The following KCNMB4 variants were observed in gnomAD, a reference collection of about 807,000 sequenced individuals.
KCNMB4 encodes calcium-activated potassium channel subunit beta-4.
A neutral mutation model predicts 20.7 loss-of-function variants in KCNMB4; 3 were observed. The observed-to-expected ratio is 0.14, with a 90% CI of 0.07 to 0.37. The LOEUF (loss-of-function observed/expected upper bound fraction) is 0.37, where lower values mean the gene tolerates loss of function less well. KCNMB4 is among the 10% of genes least tolerant of loss of function. The pLI, the probability that KCNMB4 is intolerant of heterozygous loss-of-function variation, is 1.00. For synonymous variants in KCNMB4, 110 were observed against 113.4 expected (o/e 0.97, Z 0.19); for missense variants, 168 against 265.9 (o/e 0.63, Z 2.56).
chr12:70,386,041 A>C (rs1387011373), intron 1 of KCNMB4, among the ~76,000 whole-genome samples: 3 of 152,172 alleles, frequency 2.0e-5, no homozygotes, highest in Admixed American at 1.3e-4. Flanking sequence ...CTATAATAAC[A>C]TATATATACA....
intron 1 of KCNMB4, among the ~76,000 whole-genome samples, chr12:70,379,472 G>A (rs1883746051): frequency 6.6e-6 from 1 of 152,104 alleles, no homozygotes; most frequent in African/African-American, 2.4e-5. Flanking sequence ...AGGCTGGAGT[G>A]CAGTGGTGTG....
At chr12:70,400,908 C>T (rs1408910473) in intron 2 of KCNMB4, among the ~76,000 whole-genome samples, 1 of 152,160 alleles carries the variant, frequency 6.6e-6, no homozygotes, top group Non-Finnish European at 1.5e-5. Flanking sequence ...TCACTTGCTC[C>T]CATAATCTCT....
intron 2 of KCNMB4, among the ~76,000 whole-genome samples, chr12:70,425,626 C>T (rs540703625): frequency 1.3e-5 from 2 of 152,258 alleles, no homozygotes; most frequent in African/African-American, 2.4e-5. Flanking sequence ...CTCTCTGAAA[C>T]CCAGCCTCAA....
chr12:70,384,782 T>C (rs1883857507), intron 1 of KCNMB4, among the ~76,000 whole-genome samples: 1 of 143,614 alleles, frequency 7.0e-6, no homozygotes, highest in African/African-American at 2.6e-5. Flanking sequence ...AGCAAGACGG[T>C]AGGATCGCTT....
chr12:70,394,730 G>A (rs926302308), intron 1 of KCNMB4, among the ~76,000 whole-genome samples: 3 of 152,082 alleles, frequency 2.0e-5, no homozygotes, highest in Admixed American at 6.6e-5. Flanking sequence ...ACAGTGGGAC[G>A]ATCACGGCTC....
rs778654188 is a variant in KCNMB4, at chr12:70,399,420, C to G, written c.337-789C>G. Among the ~76,000 whole-genome samples the G allele has an allele frequency of 2.0e-5, 3 of 152,168 alleles. No homozygotes were observed. The South Asian group carries it at 6.2e-4, about 31-fold the overall frequency. ...TTGTTATAGGGTTGTAAAAAGTACACAAGTTAAGTCCTGTTAAGCATTTGC... is the reference window on the plus strand; with the variant it reads ...TTGTTATAGGGTTGTAAAAAGTACAGAAGTTAAGTCCTGTTAAGCATTTGC... On this transcript the variant is annotated intron_variant, in intron 1 of 2. Coordinates refer to ENST00000258111, the MANE Select transcript of KCNMB4 (RefSeq NM_014505.6).
intron 2 of KCNMB4, among the ~76,000 whole-genome samples, chr12:70,408,341 G>A (rs1319160248): frequency 6.6e-6 from 1 of 152,168 alleles, no homozygotes; most frequent in South Asian, 2.1e-4. Flanking sequence ...TAGACTTACT[G>A]TAGGGACTCC....
chr12:70,424,692 G>A (rs1479491179), intron 2 of KCNMB4, among the ~76,000 whole-genome samples: 1 of 152,034 alleles, frequency 6.6e-6, no homozygotes, highest in Non-Finnish European at 1.5e-5. Context: ...AGAGGCTGCA[G>A]TGAGCCGAGA....
intron 2 of KCNMB4, among the ~76,000 whole-genome samples, chr12:70,429,885 G>A (rs989147602): frequency 1.3e-5 from 2 of 151,944 alleles, no homozygotes; most frequent in South Asian, 2.1e-4. Flanking sequence ...TTAAAATGAC[G>A]GCTAATTTCA....
intron 2 of KCNMB4, among the ~76,000 whole-genome samples, chr12:70,418,463 C>G (rs965953405): frequency 1.3e-5 from 2 of 152,070 alleles, no homozygotes; most frequent in African/African-American, 4.8e-5. Flanking sequence ...ACTTCATTCA[C>G]CTGAAGCAAT....
intron 1 of KCNMB4, among the ~76,000 whole-genome samples, chr12:70,395,590 C>T (rs771036880): frequency 9.2e-5 from 14 of 152,046 alleles, no homozygotes; most frequent in African/African-American, 3.1e-4. Flanking sequence ...ATAATAAGTA[C>T]GTAATCAAGC....
At chr12:70,424,727 G>A (rs1218737097) in intron 2 of KCNMB4, among the ~76,000 whole-genome samples, 1 of 151,886 alleles carries the variant, frequency 6.6e-6, no homozygotes, top group Non-Finnish European at 1.5e-5. Flanking sequence ...TCCAGCCTGG[G>A]CGACAAGAGC....
chr12:70,425,877 G>A (rs186659164), intron 2 of KCNMB4, among the ~76,000 whole-genome samples: 1 of 152,148 alleles, frequency 6.6e-6, no homozygotes, highest in African/African-American at 2.4e-5. Flanking sequence ...AGTGGCTCAC[G>A]CCCATAATCC....
chr12:70,378,428 G>A (rs1462738478), intron 1 of KCNMB4, among the ~76,000 whole-genome samples: 1 of 152,216 alleles, frequency 6.6e-6, no homozygotes, highest in African/African-American at 2.4e-5. Flanking sequence ...GTTCATAATG[G>A]CATCAAATTG....
At chr12:70,406,873 A>G (rs1868617390) in intron 2 of KCNMB4, among the ~76,000 whole-genome samples, 1 of 152,188 alleles carries the variant, frequency 6.6e-6, no homozygotes, top group Non-Finnish European at 1.5e-5. Flanking sequence ...AAAGAGCTAA[A>G]CCAAATTATA....
At chr12:70,424,161 T>C (rs1252525912) in intron 2 of KCNMB4, among the ~76,000 whole-genome samples, 1 of 152,176 alleles carries the variant, frequency 6.6e-6, no homozygotes, top group Non-Finnish European at 1.5e-5. Context: ...GTGGTCTTTC[T>C]GTCTCCCTCA....
In KCNMB4 at chr12:70,391,255, T is replaced by A. The variant is rs1482415634; in HGVS notation, c.337-8954T>A. On this transcript the variant is annotated intron_variant, in intron 1 of 2. Coordinates refer to ENST00000258111, the MANE Select transcript of KCNMB4 (RefSeq NM_014505.6). The stretch of plus-strand genomic sequence containing the variant: ...TCTCAGCCACTGTCAAAGATCCCTG[T>A]GGCTCAAGTCATTTTTCATATGTTC... Among the ~76,000 whole-genome samples the A allele has an allele frequency of 3.3e-5, 5 of 152,332 alleles. No homozygotes were observed. The East Asian group carries it at 9.6e-4, about 29-fold the overall frequency.
chr12:70,392,725 C>T (rs563354544), intron 1 of KCNMB4, among the ~76,000 whole-genome samples: 4 of 152,072 alleles, frequency 2.6e-5, no homozygotes, highest in Admixed American at 1.3e-4. Flanking sequence ...AGCAAACTAA[C>T]ACAGGAACAG....
chr12:70,422,701 T>C (rs1465162505), intron 2 of KCNMB4: 7 of 1,288,928 alleles, frequency 5.4e-6, no homozygotes, highest in Admixed American at 2.3e-5. Context: ...TCCTTCTGGT[T>C]TGCAGGTCTT....
Sources: allele counts gnomAD v4.1 joint callset (sites outside exome capture counted in the v4.1 genomes callset), GRCh38; gene constraint gnomAD v4.1.1; transcripts MANE v1.5; gene names NCBI Gene and HGNC (gene_info 2026-07-23, HGNC 2026-07-21).